Variants in ERF observed in about 807,000 individuals in gnomAD.
ERF encodes ETS domain-containing transcription factor ERF.
Under a neutral mutation model 41.6 loss-of-function variants are expected in ERF, and 10 were observed. The observed-to-expected ratio is 0.24, with a 90% CI of 0.15 to 0.41. The LOEUF is 0.41. Ranked by LOEUF, ERF falls within the 10% of genes least tolerant of loss-of-function variation. ERF has a pLI of 1.00. For synonymous variants in ERF, 395 were observed against 342.4 expected (o/e 1.15, Z -1.70); for missense variants, 621 against 763.2 (o/e 0.81, Z 2.19).
At position 42,249,659 on chromosome 19, in the gene ERF, C is replaced by T; in HGVS notation, c.453G>A (p.Glu151=). Residue 151 remains glutamate, a synonymous_variant, in exon 4 of 4, where the codon GAG becomes GAA. Coordinates refer to ENST00000222329, the MANE Select transcript of ERF (RefSeq NM_006494.4). This position sits in a 1 kb window ranked among gnomAD's most constrained non-coding sequence, Gnocchi z 8.6. ...GGGGGTCCTCGGTGGGGGACAGCAC[C>T]TCGGAGGGCGTTGAGGGAGGGAAGC... ...HFRFPPSTPS[E]VLSPTEDPRS... is the part of the protein sequence containing the mutation. 2 of 1,606,112 alleles carry T rather than the reference C, an allele frequency of 1.2e-6. No homozygotes were observed. Among genetic ancestry groups the T allele is most frequent in the Non-Finnish European group, 1.7e-6 (2 of 1,175,566 alleles).
intron 1 of ERF, among the ~76,000 whole-genome samples, chr19:42,252,441 G>A (rs1355200345): frequency 6.6e-6 from 1 of 152,140 alleles, no homozygotes; most frequent in African/African-American, 2.4e-5. Flanking sequence ...GGGAGCGGGG[G>A]AGCAGGAGGC....
chr19:42,253,556 G>C (rs2036480532), intron 1 of ERF, among the ~76,000 whole-genome samples: 1 of 152,124 alleles, frequency 6.6e-6, no homozygotes, highest in Admixed American at 6.5e-5. Flanking sequence ...CCTCCTCCTT[G>C]GGCGAGGGTA....
intron 1 of ERF, chr19:42,253,869 G>A (rs1206996495): frequency 3.7e-6 from 4 of 1,073,238 alleles, no homozygotes; most frequent in South Asian, 4.8e-5. Flanking sequence ...AGCCGCCGCC[G>A]CCGCCGCCGC....
chr19:42,249,756 G>C lies in ERF; in HGVS notation c.374-18C>G, dbSNP rs893491491. ...TGCACCCCCTGGCAGAAGGGAGACAGTGTCAAGGCCCCTGGCCTAGCCTGA... is the reference window on the plus strand; with the variant it reads ...TGCACCCCCTGGCAGAAGGGAGACACTGTCAAGGCCCCTGGCCTAGCCTGA... On this transcript the variant is annotated intron_variant, in intron 3 of 3. Coordinates refer to ENST00000222329, the MANE Select transcript of ERF (RefSeq NM_006494.4). The surrounding 1 kb of genome is among the most constrained non-coding windows in gnomAD (Gnocchi z 8.6). 1 of 1,610,850 alleles carries C rather than the reference G, an allele frequency of 6.2e-7. No individual in the cohort carries two copies. Among genetic ancestry groups the C allele is most frequent in the Non-Finnish European group, 8.5e-7 (1 of 1,177,624 alleles).
At position 42,248,711 on chromosome 19, in the gene ERF, C is replaced by T. The variant is rs1374423364; in HGVS notation, c.1401G>A (p.Glu467=). Residue 467 remains glutamate (E), a synonymous_variant, in exon 4 of 4, where the codon GAG becomes GAA. Coordinates refer to ENST00000222329, the MANE Select transcript of ERF (RefSeq NM_006494.4). This position sits in a 1 kb window ranked among gnomAD's most constrained non-coding sequence, Gnocchi z 4.2. ...GGGATGCCCCGGGTGCCTCGCCGGGCTCAGGCTTAGGGGGTGCAGGTGGGG... is the reference window on the plus strand; with the variant it reads ...GGGATGCCCCGGGTGCCTCGCCGGGTTCAGGCTTAGGGGGTGCAGGTGGGG... The part of the protein sequence containing the change: ...PRAPPAPPKP[E]PGEAPGASQC... The T allele has an allele frequency of 6.2e-7, 1 of 1,612,850 alleles. No homozygotes were observed. The highest frequency in any genetic ancestry group is 1.1e-5 in the South Asian group (1 of 91,030).
intron 1 of ERF, 81 bp downstream of exon 1, chr19:42,254,897 C>T (rs2036508068): frequency 1.4e-6 from 2 of 1,433,626 alleles, no homozygotes; most frequent in South Asian, 1.4e-5. Context: ...CTCCCCCGGA[C>T]CCCTTCAGCC....
In ERF at chr19:42,248,959, C is replaced by T. The variant is rs2146948647; in HGVS notation, c.1153G>A (p.Gly385Arg). The T allele has an allele frequency of 6.2e-7, 1 of 1,606,564 alleles. No homozygotes were observed. The highest frequency in any genetic ancestry group is 8.5e-7 in the Non-Finnish European group (1 of 1,179,586). ...TCCCCAGCTGCCCGCTGCCGGCGTC[C>T]GAGTGGGGGCGGCTGGAGCTTAAAC... ...FKFKLQPPPL[G>R]RRQRAAGEKA... Residue 385 changes from glycine to arginine, a missense_variant, in exon 4 of 4, where the codon GGA (glycine) becomes AGA (arginine). Physicochemically the swap from Gly to Arg is moderately radical, Grantham distance 125. Transcript: ENST00000222329. The surrounding 1 kb of genome is among the most constrained non-coding windows in gnomAD (Gnocchi z 4.2).
intron 1 of ERF, 104 bp downstream of exon 1, chr19:42,254,874 G>A (rs1249387213): frequency 2.3e-6 from 3 of 1,312,712 alleles, no homozygotes; most frequent in Non-Finnish European, 3.0e-6. Context: ...CCCAGAACTG[G>A]GGATCACTCG....
At position 42,255,038 on chromosome 19, in the gene ERF, G is replaced by C; in HGVS notation, c.-39C>G. The C allele has an allele frequency of 7.3e-7, 1 of 1,363,202 alleles. No homozygotes were observed. The highest frequency in any genetic ancestry group is 9.4e-7 in the Non-Finnish European group (1 of 1,058,536). The allele number at this position is 1,363,202 out of a possible 1,614,324, so 84.4% of individuals were successfully genotyped here. On this transcript the variant is annotated 5_prime_UTR_variant, in exon 1 of 4. Coordinates refer to ENST00000222329, the MANE Select transcript of ERF (RefSeq NM_006494.4). ...GGGCGAAGCGCCCCGATTCCGGGCC[G>C]CGGCTCCCGGCGCCCTCGCTGCCCC...
At position 42,255,093 on chromosome 19, in the gene ERF, C is replaced by A. The variant is rs907823574; in HGVS notation, c.-94G>T. On this transcript the variant is annotated 5_prime_UTR_variant, in exon 1 of 4. Transcript: ENST00000222329. Reference sequence around the variant, plus strand: ...CGTCCCGCGCCCGTCGGGCCGCCCTCGCCGCCTCACCCGGCCTCGCCTCTC... The same window carrying A: ...CGTCCCGCGCCCGTCGGGCCGCCCTAGCCGCCTCACCCGGCCTCGCCTCTC... The A allele has an allele frequency of 2.6e-6, 3 of 1,133,206 alleles. No individual in the cohort carries two copies. The highest frequency in any genetic ancestry group is 3.4e-6 in the Non-Finnish European group (3 of 889,322). The allele number at this position is 1,133,206 out of a possible 1,614,324, so 70.2% of individuals were successfully genotyped here.
In ERF at chr19:42,250,559, G is replaced by A. The variant is rs2036427780; in HGVS notation, c.29C>T (p.Ala10Val). The A allele has an allele frequency of 6.2e-7, 1 of 1,613,192 alleles. No individual in the cohort carries two copies. The highest frequency in any genetic ancestry group is 8.5e-7 in the Non-Finnish European group (1 of 1,179,922). MKTPADTGF[A>V]FPDWAYKPES... ...TGGCTTGTAGGCCCAATCCGGGAAG[G>A]CAAACCCTGGGGACGGGAGGCAGGG... Residue 10 changes from alanine (A) to valine (V), a missense_variant, in exon 2 of 4, where the codon GCC becomes GTC. Ala to Val is a moderately conservative substitution (Grantham distance 64). Transcript: ENST00000222329. The surrounding 1 kb of genome is among the most constrained non-coding windows in gnomAD (Gnocchi z 5.1).
In ERF at chr19:42,248,375, G is replaced by A; in HGVS notation, c.*90C>T. 2 of 1,151,734 alleles carry A rather than the reference G, an allele frequency of 1.7e-6. No homozygotes were observed. Among genetic ancestry groups the A allele is most frequent in the East Asian group, 2.8e-5 (1 of 35,930 alleles). 71.3% of individuals were successfully genotyped at this position (1,151,734 alleles called of 1,614,324 possible). On this transcript the variant is annotated 3_prime_UTR_variant, in exon 4 of 4. Transcript: ENST00000222329. This position sits in a 1 kb window ranked among gnomAD's most constrained non-coding sequence, Gnocchi z 4.2. ...GGGAGGAGGCAGGGAAGAGACAAGA[G>A]AGCTGCCCTCACCTCCAGGGCATAG...
chr19:42,251,998 G>A (rs940256933), intron 1 of ERF, among the ~76,000 whole-genome samples: 4 of 152,094 alleles, frequency 2.6e-5, no homozygotes, highest in Non-Finnish European at 5.9e-5. Flanking sequence ...AGCACCAACA[G>A]CCCCTGTTCC....
chr19:42,248,753 C>T lies in ERF; in HGVS notation c.1359G>A (p.Val453=). 1 of 1,613,602 alleles carries T rather than the reference C, an allele frequency of 6.2e-7. No individual in the cohort carries two copies. The highest frequency in any genetic ancestry group is 8.5e-7 in the Non-Finnish European group (1 of 1,179,974). ...CAGGTGGGGCACGGGGCGTCTTGAA[C>T]ACCTCCCCGTCTTCCTCATCCTCAT... ...ISDEDEEDGE[V]FKTPRAPPAP... Residue 453 remains valine (V), a synonymous_variant, in exon 4 of 4, where the codon GTG becomes GTA. Transcript: ENST00000222329. This position sits in a 1 kb window ranked among gnomAD's most constrained non-coding sequence, Gnocchi z 4.2.
chr19:42,250,757 G>A lies in ERF; in HGVS notation c.23-192C>T, dbSNP rs572388338. Among the ~76,000 whole-genome samples, 18 of 152,298 alleles carry A rather than the reference G, an allele frequency of 1.2e-4. No individual in the cohort carries two copies. The highest frequency in any genetic ancestry group is 6.2e-4 in the South Asian group (3 of 4,822). On this transcript the variant is annotated intron_variant, in intron 1 of 3. Transcript: ENST00000222329. This position sits in a 1 kb window ranked among gnomAD's most constrained non-coding sequence, Gnocchi z 5.1. ...GCATGTGAGGGGCTAGACAGGAGCT[G>A]GGGGGGAGGGGAAGCTGGAGCCCGC...
rs752733313 is a variant in ERF, at chr19:42,249,428, G to T, written c.684C>A (p.Asp228Glu). 2 of 1,592,368 alleles carry T rather than the reference G, an allele frequency of 1.3e-6. No individual in the cohort carries two copies. The highest frequency in any genetic ancestry group is 1.8e-5 in the Admixed American group (1 of 57,140). ...RGPPLARLPH[D>E]PGVFRVYPRP... ...GGGGATAGACTCGGAAGACACCAGGGTCATGGGGCAGGCGGGCCAGCGGGG... is the reference window on the plus strand; with the variant it reads ...GGGGATAGACTCGGAAGACACCAGGTTCATGGGGCAGGCGGGCCAGCGGGG... Residue 228 changes from aspartate to glutamate, a missense_variant, in exon 4 of 4, where the codon GAC becomes GAA. This residue lies in a region of ERF where 569 missense variants were observed against 625.5 expected (regional missense o/e 0.91). Transcript: ENST00000222329. The surrounding 1 kb of genome is among the most constrained non-coding windows in gnomAD (Gnocchi z 8.6).
intron 1 of ERF, 106 bp downstream of exon 1, chr19:42,254,872 T>G: frequency 7.7e-7 from 1 of 1,295,864 alleles, no homozygotes; most frequent in Non-Finnish European, 1.0e-6. Flanking sequence ...CCCCCAGAAC[T>G]GGGGATCACT....
intron 1 of ERF, chr19:42,253,921 GC>G: frequency 1.9e-6 from 2 of 1,053,062 alleles, no homozygotes; most frequent in South Asian, 5.5e-5. Context: ...GCGGCGCCCG[GC>G]CCCCTTCCCC....
chr19:42,251,727 C>T (rs1466102800), intron 1 of ERF, among the ~76,000 whole-genome samples: 1 of 152,098 alleles, frequency 6.6e-6, no homozygotes, highest in Non-Finnish European at 1.5e-5. Flanking sequence ...CTCCAGGCAA[C>T]ACATCCACCC....
Sources: allele counts gnomAD v4.1 joint callset (sites outside exome capture counted in the v4.1 genomes callset), GRCh38; gene constraint gnomAD v4.1.1; regional missense constraint gnomAD v4.1.1; non-coding constraint Gnocchi (gnomAD v3.1); transcripts MANE v1.5; gene names NCBI Gene and HGNC (gene_info 2026-07-23, HGNC 2026-07-21).